MCC: variants seen among roughly 807,000 people sequenced by gnomAD.
MCC encodes colorectal mutant cancer protein.
MCC carries 90 observed loss-of-function variants against 116.2 expected under a neutral mutation model. The ratio of observed to expected loss-of-function variants is 0.77; its 90% CI spans 0.65 to 0.92. The LOEUF (loss-of-function observed/expected upper bound fraction) is 0.92, where lower values mean the gene tolerates loss of function less well. Among genes scored for constraint, MCC ranks in the 40% least tolerant of loss-of-function variants. MCC has a pLI of 0.00. For missense variants in MCC, 1,516 were observed against 1,312.2 expected, an observed-to-expected ratio of 1.16 and a Z score of -2.40; for synonymous variants, 578 against 510.5, an observed-to-expected ratio of 1.13 and a Z score of -1.78.
chr5:113,046,747 T>A (rs1347113197), intron 16 of MCC, among the ~76,000 whole-genome samples: 3 of 141,706 alleles, frequency 2.1e-5, no homozygotes, highest in Non-Finnish European at 4.5e-5. Context: ...TGGAACCTCA[T>A]CTTCCCGAGC....
chr5:113,294,945 T>C, intron 3 of MCC: 1 of 985,208 alleles, frequency 1.0e-6, no homozygotes, highest in African/African-American at 1.7e-5. Context: ...TTGTAAGTGG[T>C]TTCTGATTGA....
intron 3 of MCC, among the ~76,000 whole-genome samples, chr5:113,164,107 T>C (rs1210811771): frequency 5.9e-5 from 9 of 152,298 alleles, no homozygotes; most frequent in African/African-American, 2.2e-4. Flanking sequence ...TTCAGAGAGA[T>C]AAACCAAGGA....
At chr5:113,087,064 G>A (rs922520071) in intron 8 of MCC, among the ~76,000 whole-genome samples, 1 of 152,156 alleles carries the variant, frequency 6.6e-6, no homozygotes, top group East Asian at 1.9e-4. Flanking sequence ...GCCATGCCCC[G>A]GTGCCAGCCC....
chr5:113,164,721 C>T (rs1229386861), intron 3 of MCC, among the ~76,000 whole-genome samples: 1 of 152,188 alleles, frequency 6.6e-6, no homozygotes, highest in African/African-American at 2.4e-5. Context: ...ACATTTACCA[C>T]GGGTATCCAG....
At chr5:113,389,016 A>G (rs1769340183) in intron 1 of MCC, among the ~76,000 whole-genome samples, 1 of 152,198 alleles carries the variant, frequency 6.6e-6, no homozygotes, top group East Asian at 1.9e-4. Flanking sequence ...TGAATTAACA[A>G]CGCTTTTATA....
intron 14 of MCC, among the ~76,000 whole-genome samples, chr5:113,057,203 G>T (rs7727635): frequency 0.81 from 123,803 of 152,098 alleles, 50,745 homozygotes; most frequent in East Asian, 0.98. Context: ...TGGGTGCCAG[G>T]TCATGCAGCA....
At chr5:113,155,400 C>G (rs1039551469) in intron 3 of MCC, among the ~76,000 whole-genome samples, 16 of 152,160 alleles carry the variant, frequency 1.1e-4, no homozygotes, top group African/African-American at 3.9e-4. Flanking sequence ...AACAAATACC[C>G]AAGTAGTGGG....
In MCC at chr5:113,447,385, T is replaced by C. The variant is rs192900464; in HGVS notation, c.170+40860A>G. ...CTTTTTCCTTTATAAAAAGAACACA[T>C]GCTTGTTATGTACAATTTGAAAAAT... On this transcript the variant is annotated intron_variant, in intron 1 of 18. Coordinates refer to ENST00000408903, the MANE Select transcript of MCC (RefSeq NM_001085377.2). 1.4e-4 allele frequency among the ~76,000 whole-genome samples: 21 copies of C among 152,322 alleles called. No individual in the cohort carries two copies. The East Asian group carries it at 3.5e-3, about 25-fold the overall frequency.
intron 2 of MCC, among the ~76,000 whole-genome samples, chr5:113,374,216 TG>T (rs1768921964): frequency 3.8e-5 from 5 of 133,320 alleles, no homozygotes; most frequent in African/African-American, 1.3e-4. Flanking sequence ...TTTTTTTTTT[TG>T]TTTTTTTTTT....
intron 16 of MCC, chr5:113,048,872 G>C: frequency 3.4e-6 from 2 of 591,854 alleles, no homozygotes; most frequent in Non-Finnish European, 3.0e-6. Flanking sequence ...TATGTGAAAA[G>C]GTTCAACTAT....
intron 3 of MCC, among the ~76,000 whole-genome samples, chr5:113,194,944 G>A (rs1486580693): frequency 6.6e-6 from 1 of 152,216 alleles, no homozygotes; most frequent in Non-Finnish European, 1.5e-5. Flanking sequence ...TCTGTTGTCA[G>A]TGACAACATC....
intron 3 of MCC, among the ~76,000 whole-genome samples, chr5:113,252,895 G>A (rs1310775333): frequency 6.6e-6 from 1 of 152,212 alleles, no homozygotes; most frequent in Non-Finnish European, 1.5e-5. Context: ...AAATATGCAG[G>A]AAACTGCTAA....
chr5:113,129,258 T>C (rs1354168574), intron 5 of MCC, among the ~76,000 whole-genome samples: 3 of 152,024 alleles, frequency 2.0e-5, no homozygotes, highest in African/African-American at 7.3e-5. Flanking sequence ...AGATCAACTG[T>C]CTGCAGGGTC....
intron 2 of MCC, among the ~76,000 whole-genome samples, chr5:113,343,780 C>T (rs1305471508): frequency 2.0e-5 from 3 of 152,138 alleles, no homozygotes; most frequent in Non-Finnish European, 4.4e-5. Context: ...GGAATTAAGT[C>T]AAAATAAATT....
chr5:113,270,450 A>G (rs1315475730), intron 3 of MCC, among the ~76,000 whole-genome samples: 1 of 151,728 alleles, frequency 6.6e-6, no homozygotes, highest in East Asian at 1.9e-4. Context: ...AGTTTTTAGG[A>G]AAAAAGAGAA....
chr5:113,186,289 A>G (rs1761891273), intron 3 of MCC, among the ~76,000 whole-genome samples: 1 of 152,196 alleles, frequency 6.6e-6, no homozygotes, highest in Non-Finnish European at 1.5e-5. Flanking sequence ...AAACACAGTA[A>G]GTGCAGCTCC....
chr5:113,473,568 C>T (rs79258521), intron 1 of MCC, among the ~76,000 whole-genome samples: 175 of 152,168 alleles, frequency 1.2e-3, no homozygotes, highest in African/African-American at 3.6e-3. Context: ...AAACAAAATA[C>T]TGTGTGGGCA....
intron 11 of MCC, among the ~76,000 whole-genome samples, chr5:113,079,805 A>C (rs1317200542): frequency 1.3e-5 from 2 of 152,222 alleles, no homozygotes; most frequent in Admixed American, 1.3e-4. Flanking sequence ...AAATAGACAA[A>C]TGGGATCTAA....
At chr5:113,321,811 C>G (rs576259919) in intron 3 of MCC, among the ~76,000 whole-genome samples, 363 of 152,168 alleles carry the variant, frequency 2.4e-3, no homozygotes, top group Non-Finnish European at 3.8e-3. Context: ...CGGGGTGATG[C>G]CCATGATTTG....
Sources: allele counts gnomAD v4.1 joint callset (sites outside exome capture counted in the v4.1 genomes callset), GRCh38; gene constraint gnomAD v4.1.1; transcripts MANE v1.5; gene names NCBI Gene and HGNC (gene_info 2026-07-23, HGNC 2026-07-21).